Variants in IKZF1 observed in about 807,000 individuals in gnomAD.
The protein encoded by IKZF1 is IKAROS family zinc finger 1.
A neutral mutation model predicts 51.7 loss-of-function variants in IKZF1; 10 were observed. That is an observed-to-expected ratio of 0.19 (90% CI 0.12 to 0.33). IKZF1 has a LOEUF of 0.33. Ranked by LOEUF, IKZF1 falls within the 10% of genes least tolerant of loss-of-function variation. IKZF1 has a pLI of 1.00. For synonymous variants in IKZF1, 280 were observed against 282.3 expected, an observed-to-expected ratio of 0.99 and a Z score of 0.08; for missense variants, 484 against 707.5, an observed-to-expected ratio of 0.68 and a Z score of 3.58.
chr7:50,320,611 C>A (rs911667194), intron 2 of IKZF1, among the ~76,000 whole-genome samples: 3 of 152,188 alleles, frequency 2.0e-5, no homozygotes, highest in African/African-American at 7.2e-5. Flanking sequence ...CCTCTATTAG[C>A]CTCTGTCCTA....
chr7:50,304,433 G>A (rs1387228012), upstream of IKZF1: 2 of 149,442 alleles, frequency 1.3e-5, no homozygotes, highest in Non-Finnish European at 3.0e-5. Flanking sequence ...CAAAGTTTGC[G>A]GGGTGGCAGG....
In IKZF1 at chr7:50,403,583, T is replaced by A; in HGVS notation, c.*2956T>A. 1 of 229,542 alleles carries A rather than the reference T, an allele frequency of 4.4e-6. No homozygotes were observed. Among genetic ancestry groups the A allele is most frequent in the Non-Finnish European group, 8.6e-6 (1 of 115,654 alleles). 14.2% of individuals were successfully genotyped at this position (229,542 alleles called of 1,614,324 possible). On this transcript the variant is annotated 3_prime_UTR_variant, in exon 8 of 8. Transcript: ENST00000331340. ...AGCTCCTTGCCCCATATCCCTTCTG[T>A]AATTTGTACCTAAAGAGTGTGATTA...
At chr7:50,308,454 G>A (rs568466869) in intron 1 of IKZF1, among the ~76,000 whole-genome samples, 13 of 152,336 alleles carry the variant, frequency 8.5e-5, no homozygotes, top group South Asian at 2.1e-4. Context: ...GGGGCCATTT[G>A]TCTTGCCTGT....
intron 2 of IKZF1, among the ~76,000 whole-genome samples, chr7:50,321,702 A>G (rs1023805230): frequency 2.6e-5 from 4 of 152,116 alleles, no homozygotes; most frequent in Admixed American, 1.3e-4. Flanking sequence ...CATCTCTAGA[A>G]TGTTTATATA....
chr7:50,401,549 T>A lies in IKZF1; in HGVS notation c.*922T>A, dbSNP rs971690531. On this transcript the variant is annotated 3_prime_UTR_variant, in exon 8 of 8. Transcript: ENST00000331340. ...TTTTGAATCTCTCAAACGGCAACATTCCTCAGAAACCAAAGCTTTATTTCA... is the reference window on the plus strand; with the variant it reads ...TTTTGAATCTCTCAAACGGCAACATACCTCAGAAACCAAAGCTTTATTTCA... The A allele has an allele frequency of 9.0e-6, 2 of 222,606 alleles. No homozygotes were observed. The highest frequency in any genetic ancestry group is 1.8e-5 in the Non-Finnish European group (2 of 111,300). The allele number at this position is 222,606 out of a possible 1,614,324, so 13.8% of individuals were successfully genotyped here. A position where few individuals can be genotyped will look rare whatever the true frequency, so the allele number is the denominator to read the frequency against.
At chr7:50,384,724 G>A (rs1812873418) in intron 5 of IKZF1, among the ~76,000 whole-genome samples, 2 of 152,236 alleles carry the variant, frequency 1.3e-5, no homozygotes, top group Non-Finnish European at 2.9e-5. Flanking sequence ...ATGCTAACCA[G>A]TGGTCTAGGA....
At chr7:50,313,940 T>C (rs1790819531) in intron 1 of IKZF1, among the ~76,000 whole-genome samples, 1 of 152,178 alleles carries the variant, frequency 6.6e-6, no homozygotes, top group African/African-American at 2.4e-5. Context: ...TGAGTACCAG[T>C]ATCCTTTTCT....
chr7:50,311,504 C>G (rs1790172622), intron 1 of IKZF1, among the ~76,000 whole-genome samples: 1 of 152,148 alleles, frequency 6.6e-6, no homozygotes, highest in South Asian at 2.1e-4. Flanking sequence ...AATAAATATA[C>G]ACGTATGGGT....
Position 50,400,352 on chromosome 7 carries a change from AAGGAGGAGCACCGCG to A in IKZF1, c.1286_1300del (p.Lys429_Ala434delinsThr). 1 of 1,612,864 alleles carries A rather than the reference AAGGAGGAGCACCGCG, an allele frequency of 6.2e-7. No individual in the cohort carries two copies. Among genetic ancestry groups the A allele is most frequent in the Non-Finnish European group, 8.5e-7 (1 of 1,179,746 alleles). ...GCACGCGCGCAACGGGCTGTCGCTC[AAGGAGGAGCACCGCG>A]CCTACGACCTGCTGCGCGCCGCCTC... On this transcript the variant is annotated inframe_deletion, in exon 8 of 8. Coordinates refer to ENST00000331340, the MANE Select transcript of IKZF1 (RefSeq NM_006060.6). The surrounding 1 kb of genome is among the most constrained non-coding windows in gnomAD (Gnocchi z 5.4).
chr7:50,335,098 GGT>G, intron 3 of IKZF1, among the ~76,000 whole-genome samples: 1 of 149,756 alleles, frequency 6.7e-6, no homozygotes, highest in East Asian at 2.0e-4. Context: ...TGGGATATAT[GGT>G]GTGTGGTGTG....
intron 3 of IKZF1, among the ~76,000 whole-genome samples, chr7:50,353,871 G>A (rs114130716): frequency 2.0e-5 from 3 of 152,164 alleles, no homozygotes; most frequent in South Asian, 4.2e-4. Context: ...CTGTTGTCCC[G>A]GGTCCCCCTG....
At chr7:50,315,881 C>T (rs1273102826) in intron 1 of IKZF1, among the ~76,000 whole-genome samples, 1 of 152,114 alleles carries the variant, frequency 6.6e-6, no homozygotes. Context: ...AGAGGAGGGG[C>T]TCAGTAAGTG....
chr7:50,347,649 A>T (rs1800713910), intron 3 of IKZF1, among the ~76,000 whole-genome samples: 1 of 152,146 alleles, frequency 6.6e-6, no homozygotes, highest in Non-Finnish European at 1.5e-5. Context: ...TTTTTAATTG[A>T]ATTTCGTTTT....
chr7:50,395,172 T>C (rs1816355230), intron 7 of IKZF1, among the ~76,000 whole-genome samples: 1 of 152,206 alleles, frequency 6.6e-6, no homozygotes, highest in Non-Finnish European at 1.5e-5. Context: ...ATATTAAAAG[T>C]AGAAAAGTAT....
intron 3 of IKZF1, among the ~76,000 whole-genome samples, chr7:50,346,517 C>G (rs1800402510): frequency 6.6e-6 from 1 of 152,236 alleles, no homozygotes; most frequent in Non-Finnish European, 1.5e-5. Flanking sequence ...GTTTCCTCAG[C>G]ATATGATGAA....
chr7:50,370,628 G>A (rs1224363617), intron 3 of IKZF1, among the ~76,000 whole-genome samples: 3 of 152,210 alleles, frequency 2.0e-5, no homozygotes, highest in Non-Finnish European at 4.4e-5. Context: ...TTGACTAGGA[G>A]TTTGAAAACA....
At chr7:50,316,590 G>A (rs1341663232) in intron 1 of IKZF1, among the ~76,000 whole-genome samples, 1 of 152,224 alleles carries the variant, frequency 6.6e-6, no homozygotes, top group African/African-American at 2.4e-5. Context: ...ACTGGTGCGG[G>A]GACTGTTTGC....
chr7:50,326,608 C>T (rs754316595), intron 2 of IKZF1, among the ~76,000 whole-genome samples: 2 of 152,146 alleles, frequency 1.3e-5, no homozygotes, highest in Non-Finnish European at 2.9e-5. Flanking sequence ...AATGCTAGAA[C>T]CTTTGGTCAA....
chr7:50,334,115 A>C (rs918183796), intron 3 of IKZF1, among the ~76,000 whole-genome samples: 2 of 152,194 alleles, frequency 1.3e-5, no homozygotes, highest in African/African-American at 4.8e-5. Flanking sequence ...TATGTCTGCT[A>C]ATTTGTCAAA....
Sources: allele counts gnomAD v4.1 joint callset (sites outside exome capture counted in the v4.1 genomes callset), GRCh38; gene constraint gnomAD v4.1.1; non-coding constraint Gnocchi (gnomAD v3.1); transcripts MANE v1.5; gene names NCBI Gene and HGNC (gene_info 2026-07-23, HGNC 2026-07-21).